The following CCDC141 variants were observed in gnomAD, a reference collection of about 807,000 sequenced individuals.
The protein encoded by CCDC141 is coiled-coil domain containing 141.
A neutral mutation model predicts 181.0 loss-of-function variants in CCDC141; 168 were observed. The observed-to-expected ratio is 0.93, with a 90% CI of 0.82 to 1.05. The LOEUF is 1.05. Among genes scored for constraint, CCDC141 ranks in the 50% least tolerant of loss-of-function variants. The pLI is 0.00. For missense variants in CCDC141, 1,902 were observed against 1,788.5 expected (o/e 1.06, Z -1.14); for synonymous variants, 666 against 642.3 (o/e 1.04, Z -0.56).
intron 11 of CCDC141, among the ~76,000 whole-genome samples, chr2:178,879,709 C>G (rs766190667): frequency 2.6e-4 from 39 of 152,262 alleles, no homozygotes; most frequent in Non-Finnish European, 4.7e-4. Flanking sequence ...ACCACCAACT[C>G]TATATGGAGT....
intron 2 of CCDC141, among the ~76,000 whole-genome samples, chr2:178,984,043 A>G (rs1691582062): frequency 6.6e-6 from 1 of 152,050 alleles, no homozygotes; most frequent in African/African-American, 2.4e-5. Flanking sequence ...ACGAAGGAAA[A>G]AATGTTAAGG....
At chr2:178,880,772 A>G (rs1050948049) in intron 11 of CCDC141, among the ~76,000 whole-genome samples, 3 of 152,220 alleles carry the variant, frequency 2.0e-5, no homozygotes, top group Non-Finnish European at 4.4e-5. Flanking sequence ...CACAGTACCT[A>G]GTACAAAGTA....
intron 2 of CCDC141, among the ~76,000 whole-genome samples, chr2:179,015,997 A>C (rs962467813): frequency 1.5e-5 from 2 of 133,076 alleles, no homozygotes; most frequent in Non-Finnish European, 3.4e-5. Flanking sequence ...GATATATATG[A>C]TGGAATACTA....
intron 6 of CCDC141, among the ~76,000 whole-genome samples, chr2:178,942,101 A>G (rs779485866): frequency 2.2e-4 from 34 of 151,908 alleles, no homozygotes; most frequent in Non-Finnish European, 3.2e-4. Flanking sequence ...ACTTGAGTAC[A>G]TGGGGCAATA....
the CCDC141 span, among the ~76,000 whole-genome samples, chr2:178,816,603 T>C: frequency 0.52 from 78,646 of 152,038 alleles, 22,552 homozygotes; most frequent in Middle Eastern, 0.7. Flanking sequence ...TTCAGTTTTG[T>C]AAGAAACTGC....
chr2:179,043,954 A>C (rs998135717), intron 2 of CCDC141, among the ~76,000 whole-genome samples: 1 of 152,258 alleles, frequency 6.6e-6, no homozygotes, highest in Non-Finnish European at 1.5e-5. Context: ...CTACTTCAGC[A>C]AAGTCTCAGG....
At chr2:178,926,041 C>A (rs1688895548) in intron 6 of CCDC141, among the ~76,000 whole-genome samples, 1 of 151,922 alleles carries the variant, frequency 6.6e-6, no homozygotes, top group African/African-American at 2.4e-5. Context: ...TTTAAAAAGG[C>A]TCTTAAATCT....
At chr2:178,880,606 A>G (rs181421275) in intron 11 of CCDC141, among the ~76,000 whole-genome samples, 26 of 152,314 alleles carry the variant, frequency 1.7e-4, no homozygotes, top group African/African-American at 6.3e-4. Flanking sequence ...CAAAAGGGAA[A>G]GAATTGGGGA....
chr2:178,984,258 C>G (rs894668990), intron 2 of CCDC141, among the ~76,000 whole-genome samples: 2 of 148,922 alleles, frequency 1.3e-5, no homozygotes, highest in African/African-American at 4.9e-5. Context: ...TACAGACAAG[C>G]AAATGCTGAG....
At chr2:178,847,216 T>C (rs141808890) in intron 21 of CCDC141, among the ~76,000 whole-genome samples, 98 of 152,290 alleles carry the variant, frequency 6.4e-4, no homozygotes, top group Non-Finnish European at 1.2e-3. Context: ...GCCAAAACTC[T>C]TTCTGGAGTA....
At chr2:178,977,766 C>T (rs1691187067) in intron 3 of CCDC141, among the ~76,000 whole-genome samples, 1 of 152,144 alleles carries the variant, frequency 6.6e-6, no homozygotes, top group East Asian at 1.9e-4. Flanking sequence ...AATGGGCTGC[C>T]ACCTGACACA....
At chr2:178,921,178 A>C (rs1688672740) in intron 6 of CCDC141, among the ~76,000 whole-genome samples, 1 of 152,214 alleles carries the variant, frequency 6.6e-6, no homozygotes, top group African/African-American at 2.4e-5. Flanking sequence ...AAGATCTTTC[A>C]ATTTTTAAAG....
chr2:178,903,549 T>C (rs1197025742), intron 8 of CCDC141, among the ~76,000 whole-genome samples: 1 of 132,336 alleles, frequency 7.6e-6, no homozygotes, highest in Admixed American at 9.5e-5. Context: ...AGTTGGGAAC[T>C]GAACAATGAG....
Position 179,049,888 on chromosome 2 carries a change from T to C in CCDC141, c.54A>G (p.Ser18=), listed in dbSNP as rs994868495. 4.5e-6 allele frequency: 7 copies of C among 1,550,806 alleles called. No individual in the cohort carries two copies. The South Asian group carries it at 7.1e-5, about 16-fold the overall frequency. Reference sequence around the variant, plus strand: ...TGGAGTCCCCAGCCTGCACAGCAACTGAACTGACTGTCGTCGTAGAAAGCG... The same window carrying C: ...TGGAGTCCCCAGCCTGCACAGCAACCGAACTGACTGTCGTCGTAGAAAGCG... ...SVALSTTTVS[S]VAVQAGDSKI... is the part of the protein sequence containing the mutation. Residue 18 remains serine, a synonymous_variant, in exon 1 of 24, where the codon TCA becomes TCG. Coordinates refer to ENST00000443758, the MANE Select transcript of CCDC141 (RefSeq NM_173648.4).
chr2:178,888,383 T>C, intron 9 of CCDC141, 144 bp downstream of exon 9: 1 of 723,736 alleles, frequency 1.4e-6, no homozygotes, highest in Non-Finnish European at 2.3e-6. Context: ...ACAACTCTGT[T>C]TAGTTCAATT....
chr2:178,860,458 G>T (rs189330262), intron 17 of CCDC141, among the ~76,000 whole-genome samples: 3 of 150,506 alleles, frequency 2.0e-5, no homozygotes, highest in Non-Finnish European at 3.0e-5. Context: ...GCTTGAACCC[G>T]GGAGGCAGAT....
At chr2:179,009,434 T>G (rs1559044550) in intron 2 of CCDC141, among the ~76,000 whole-genome samples, 1 of 152,060 alleles carries the variant, frequency 6.6e-6, no homozygotes, top group Non-Finnish European at 1.5e-5. Flanking sequence ...GTTGTTCAGA[T>G]TCTTTTATCC....
chr2:178,935,855 G>C (rs1689264673), intron 6 of CCDC141, among the ~76,000 whole-genome samples: 1 of 152,024 alleles, frequency 6.6e-6, no homozygotes, highest in African/African-American at 2.4e-5. Flanking sequence ...CAGTGATATT[G>C]AGCTTTTTTT....
At chr2:178,835,282 A>AT (rs1269482351) in intron 23 of CCDC141, among the ~76,000 whole-genome samples, 4 of 152,132 alleles carry the variant, frequency 2.6e-5, no homozygotes, top group Non-Finnish European at 2.9e-5. Context: ...ACTTCATTTA[A>AT]TTTTTTTGAA....
Sources: allele counts gnomAD v4.1 joint callset (sites outside exome capture counted in the v4.1 genomes callset), GRCh38; gene constraint gnomAD v4.1.1; transcripts MANE v1.5; gene names NCBI Gene and HGNC (gene_info 2026-07-23, HGNC 2026-07-21).